The following MVB12B variants were observed in gnomAD, a reference collection of about 807,000 sequenced individuals.
MVB12B encodes ESCRT-I complex subunit MVB12B.
Under a neutral mutation model 41.6 loss-of-function variants are expected in MVB12B, and 16 were observed. That is an observed-to-expected ratio of 0.38 (90% CI 0.26 to 0.58). MVB12B has a LOEUF of 0.58. Ranked by LOEUF, MVB12B falls within the 20% of genes least tolerant of loss-of-function variation. MVB12B has a pLI of 0.62. For missense variants in MVB12B, 274 were observed against 380.2 expected, an observed-to-expected ratio of 0.72 and a Z score of 2.32; for synonymous variants, 133 against 139.7, an observed-to-expected ratio of 0.95 and a Z score of 0.34.
In MVB12B at chr9:126,367,256, C is replaced by A. The variant is rs989134424; in HGVS notation, c.205-13808C>A. Among the ~76,000 whole-genome samples the A allele has an allele frequency of 6.6e-6, 1 of 152,230 alleles. No homozygotes were observed. The highest frequency in any genetic ancestry group is 2.1e-4 in the South Asian group (1 of 4,802). On this transcript the variant is annotated intron_variant, in intron 2 of 9. Coordinates refer to ENST00000361171, the MANE Select transcript of MVB12B (RefSeq NM_033446.3). The surrounding 1 kb of genome is among the most constrained non-coding windows in gnomAD (Gnocchi z 4.3). ...CCCGGGGCTCTCCAGCCACGCTCCCCCTCTTGCTCCCTAGGATGGGGCAGG... is the reference window on the plus strand; with the variant it reads ...CCCGGGGCTCTCCAGCCACGCTCCCACTCTTGCTCCCTAGGATGGGGCAGG...
intron 6 of MVB12B, chr9:126,396,681 C>T: frequency 1.0e-6 from 1 of 985,332 alleles, no homozygotes; most frequent in Middle Eastern, 5.2e-4. Flanking sequence ...CCTGAGGACT[C>T]TGTCCTCTGG....
intron 1 of MVB12B, among the ~76,000 whole-genome samples, chr9:126,329,722 C>CG (rs1298775041): frequency 6.6e-6 from 1 of 152,130 alleles, no homozygotes; most frequent in Non-Finnish European, 1.5e-5. Context: ...TGGGAAAAGT[C>CG]GAAGGTGCTA....
intron 9 of MVB12B, among the ~76,000 whole-genome samples, chr9:126,493,867 T>C (rs1436945259): frequency 6.6e-6 from 1 of 152,242 alleles, no homozygotes; most frequent in Non-Finnish European, 1.5e-5. Flanking sequence ...TTCTGATGGC[T>C]TTCCAGCTGC....
rs578002926 is a variant in MVB12B, at chr9:126,411,122, C to T, written c.663-10732C>T. 4.6e-5 allele frequency among the ~76,000 whole-genome samples: 7 copies of T among 152,194 alleles called. No homozygotes were observed. In the East Asian group the frequency reaches 9.7e-4, roughly 21 times the overall value. ...CAGGCTGGTCTTGAACTCCTGACCT[C>T]GTGATCCACCCGCCTTGGCCTCCCA... On this transcript the variant is annotated intron_variant, in intron 6 of 9. Coordinates refer to ENST00000361171, the MANE Select transcript of MVB12B (RefSeq NM_033446.3).
intron 2 of MVB12B, among the ~76,000 whole-genome samples, chr9:126,351,680 G>A (rs1334039599): frequency 6.6e-6 from 1 of 152,084 alleles, no homozygotes. Flanking sequence ...AGTAGAGATG[G>A]GGTTTCACCA....
chr9:126,384,869 C>T (rs1830732489), intron 3 of MVB12B, among the ~76,000 whole-genome samples: 1 of 140,692 alleles, frequency 7.1e-6, no homozygotes, highest in Admixed American at 7.6e-5. Flanking sequence ...CAGAGTCTCA[C>T]TCTATTGCCC....
intron 7 of MVB12B, among the ~76,000 whole-genome samples, chr9:126,424,390 A>G (rs1432434160): frequency 2.6e-5 from 4 of 152,170 alleles, no homozygotes; most frequent in Non-Finnish European, 5.9e-5. Flanking sequence ...GGCACAAAGC[A>G]GTGCTCATGA....
At chr9:126,464,599 C>G (rs868245955) in intron 7 of MVB12B, among the ~76,000 whole-genome samples, 5 of 152,220 alleles carry the variant, frequency 3.3e-5, no homozygotes, top group Admixed American at 2.6e-4. Context: ...ATGAATGGAT[C>G]TTCTGGGAGA....
intron 7 of MVB12B, 60 bp downstream of exon 7, chr9:126,422,008 T>A (rs1198708016): frequency 2.6e-6 from 3 of 1,161,778 alleles, no homozygotes; most frequent in Non-Finnish European, 3.8e-6. Context: ...GCCACCTCCT[T>A]CCACACGTTC....
rs79684972 is a variant in MVB12B, at chr9:126,431,248, C to A, written c.757+9300C>A. Among the ~76,000 whole-genome samples, 67 of 152,300 alleles carry A rather than the reference C, an allele frequency of 4.4e-4. No homozygotes were observed. In the East Asian group the frequency reaches 0.012, roughly 28 times the overall value. On this transcript the variant is annotated intron_variant, in intron 7 of 9. Coordinates refer to ENST00000361171, the MANE Select transcript of MVB12B (RefSeq NM_033446.3). ...GCTCAGCTCAGTACCCCCTGGAAGC[C>A]GAGACATTCTGTCACGCATCACCAC... is the stretch of plus-strand genomic sequence containing the variant.
At chr9:126,496,200 CCTACCCACCCGTCCAT>C (rs957783664) in intron 9 of MVB12B, among the ~76,000 whole-genome samples, 8 of 107,630 alleles carry the variant, frequency 7.4e-5, no homozygotes, top group Non-Finnish European at 1.1e-4. Flanking sequence ...CACCCACCCA[CCTACCCACCCGTCCAT>C]CCACCCACCC....
chr9:126,328,125 A>G (rs1007600936), intron 1 of MVB12B, among the ~76,000 whole-genome samples: 1 of 152,150 alleles, frequency 6.6e-6, no homozygotes, highest in Non-Finnish European at 1.5e-5. Context: ...GAAAAACTCA[A>G]TGTGCTAGGA....
intron 7 of MVB12B, among the ~76,000 whole-genome samples, chr9:126,465,964 C>A (rs954123915): frequency 2.6e-5 from 4 of 152,184 alleles, no homozygotes; most frequent in Non-Finnish European, 5.9e-5. Flanking sequence ...TGACTTTATT[C>A]TAAGGCAGCC....
intron 1 of MVB12B, among the ~76,000 whole-genome samples, chr9:126,337,052 C>T (rs1370548458): frequency 6.6e-6 from 1 of 152,184 alleles, no homozygotes; most frequent in African/African-American, 2.4e-5. Flanking sequence ...TCCTATAGTT[C>T]TGAAAAATTT....
chr9:126,481,424 T>TGTAA lies in MVB12B; in HGVS notation c.813+3_813+6dup. On this transcript the variant is annotated frameshift_variant and splice_region_variant. Transcript: ENST00000361171. LOFTEE classifies it high-confidence loss of function. ...AGAAGTTTTCTTGTGTTCCAGAAAG[T>TGTAA]GTAAGTTTTATGCATGATCGCCCTT... 6.2e-7 allele frequency: 1 copy of TGTAA among 1,612,626 alleles called. No homozygotes were observed. The highest frequency in any genetic ancestry group is 8.5e-7 in the Non-Finnish European group (1 of 1,178,736).
chr9:126,464,605 G>C (rs1028809293), intron 7 of MVB12B, among the ~76,000 whole-genome samples: 2 of 152,196 alleles, frequency 1.3e-5, no homozygotes, highest in South Asian at 4.1e-4. Context: ...GGATCTTCTG[G>C]GAGAGGGCCC....
At chr9:126,372,410 A>G (rs990838923) in intron 2 of MVB12B, among the ~76,000 whole-genome samples, 8 of 152,338 alleles carry the variant, frequency 5.3e-5, no homozygotes, top group African/African-American at 1.7e-4. Flanking sequence ...TTGCTGGGTC[A>G]TATGCTAACT....
At chr9:126,497,255 C>A (rs371883686) in intron 9 of MVB12B, among the ~76,000 whole-genome samples, 2 of 152,072 alleles carry the variant, frequency 1.3e-5, no homozygotes, top group African/African-American at 4.8e-5. Context: ...TAGGGTGAGA[C>A]CCCCCAGCTG....
intron 1 of MVB12B, among the ~76,000 whole-genome samples, chr9:126,338,125 G>A (rs1430842623): frequency 3.3e-5 from 5 of 152,226 alleles, no homozygotes; most frequent in Non-Finnish European, 7.3e-5. Flanking sequence ...CAGCCCGCGC[G>A]GCCCGGAGCC....
Sources: gnomAD v4.1 joint callset for allele counts (sites outside exome capture counted in the v4.1 genomes callset) on GRCh38, gnomAD v4.1.1 for gene constraint, Gnocchi (gnomAD v3.1) non-coding constraint, MANE v1.5 for transcripts, NCBI Gene and HGNC (gene_info 2026-07-23, HGNC 2026-07-21) for gene names.